Variants in TADA3 observed in about 807,000 individuals in gnomAD.
The protein encoded by TADA3 is transcriptional adaptor 3.
TADA3 carries 25 observed loss-of-function variants against 43.2 expected under a neutral mutation model. The observed-to-expected ratio is 0.58, with a 90% CI of 0.42 to 0.81. TADA3 has a LOEUF of 0.81. TADA3 is among the 30% of genes least tolerant of loss of function. The pLI, the probability that TADA3 is intolerant of heterozygous loss-of-function variation, is 0.00. For missense variants in TADA3, 441 were observed against 567.8 expected (o/e 0.78, Z 2.27); for synonymous variants, 235 against 225.5 (o/e 1.04, Z -0.38).
chr3:9,789,717 T>G lies in TADA3; in HGVS notation c.454A>C (p.Asn152His). The G allele has an allele frequency of 6.2e-7, 1 of 1,612,788 alleles. No individual in the cohort carries two copies. The highest frequency in any genetic ancestry group is 8.5e-7 in the Non-Finnish European group (1 of 1,178,950). ...CTATGTTCTCTAGCCCAGAACCTGT[T>G]GGGGGCATCATTTTTGGGGATCCGT... ...VPRIPKNDAP[N>H]RFWASVEPYC... Residue 152 changes from asparagine (N) to histidine (H), a missense_variant, in exon 3 of 9, where the codon AAC becomes CAC. Transcript: ENST00000301964.
At chr3:9,784,588 G>A (rs1322275375) in intron 7 of TADA3, among the ~76,000 whole-genome samples, 2 of 152,012 alleles carry the variant, frequency 1.3e-5, no homozygotes, top group African/African-American at 2.4e-5. Flanking sequence ...AAGTAAGCCA[G>A]GCATGGTGGC....
chr3:9,791,317 C>T lies in TADA3; in HGVS notation c.150G>A (p.Leu50=), dbSNP rs2078727131. ...GGCTGGCAGAAGACAGCAGGGTCTC[C>T]AGCTCCAGCTGCAGGGTGTCCAGCT... is the stretch of plus-strand genomic sequence containing the variant. ...IEELDTLQLE[L]ETLLSSASRR... The change falls in exon 2 of 9, where the codon CTG becomes CTA. Residue 50 remains leucine (L), a synonymous_variant. Transcript: ENST00000301964. 22 of 1,613,938 alleles carry T rather than the reference C, an allele frequency of 1.4e-5. No individual in the cohort carries two copies. The East Asian group carries it at 4.9e-4, about 36-fold the overall frequency.
intron 7 of TADA3, among the ~76,000 whole-genome samples, chr3:9,784,920 A>G (rs973609228): frequency 3.3e-5 from 5 of 152,178 alleles, no homozygotes; most frequent in Non-Finnish European, 5.9e-5. Context: ...AAATAGTATT[A>G]TACCATCCAT....
At chr3:9,791,160 C>G in intron 2 of TADA3, 100 bp downstream of exon 2, 1 of 1,247,218 alleles carries the variant, frequency 8.0e-7, no homozygotes, top group South Asian at 1.5e-5. Context: ...CCCCACAAAC[C>G]CCTGTACCCC....
At chr3:9,782,666 C>A (rs998261385) in intron 8 of TADA3, among the ~76,000 whole-genome samples, 1 of 152,056 alleles carries the variant, frequency 6.6e-6, no homozygotes, top group Non-Finnish European at 1.5e-5. Flanking sequence ...TAGTGCATGC[C>A]TGTAATCCCA....
chr3:9,787,684 T>C, intron 4 of TADA3: 1 of 1,341,038 alleles, frequency 7.5e-7, no homozygotes, highest in East Asian at 4.5e-5. Flanking sequence ...AATTACCTTT[T>C]GTATTGCTTG....
chr3:9,790,099 T>C (rs1377172728), intron 2 of TADA3, 136 bp from the exon 3 acceptor site: 1 of 1,126,232 alleles, frequency 8.9e-7, no homozygotes, highest in African/African-American at 1.6e-5. Context: ...CCTAGTAAAC[T>C]CTTACTCATC....
upstream of TADA3, chr3:9,792,679 A>T: frequency 3.2e-6 from 4 of 1,233,138 alleles, no homozygotes; most frequent in Non-Finnish European, 4.0e-6. Flanking sequence ...CGCTGCAGTT[A>T]GCCCCGCCGA....
In TADA3 at chr3:9,787,721, T is replaced by C. The variant is rs1225984781; in HGVS notation, c.565-381A>G. 5 of 1,303,172 alleles carry C rather than the reference T, an allele frequency of 3.8e-6. No individual in the cohort carries two copies. In the Admixed American group the frequency reaches 1.1e-4, roughly 30 times the overall value. The allele number at this position is 1,303,172 out of a possible 1,614,324, so 80.7% of individuals were successfully genotyped here. On this transcript the variant is annotated intron_variant, in intron 4 of 8. Transcript: ENST00000301964. ...ATTTACTGCTGTCTGTATGAACTCT[T>C]TTTCAGATAAATTTTTAAGAAATCA...
At position 9,791,408 on chromosome 3, in the gene TADA3, A is replaced by G. The variant is rs376357231; in HGVS notation, c.59T>C (p.Leu20Pro). The G allele has an allele frequency of 6.2e-6, 10 of 1,613,990 alleles. No homozygotes were observed. In the Admixed American group the frequency reaches 6.7e-5, roughly 11 times the overall value. ...QFHDFKSVDH[L>P]KVCPRYTAVL... The stretch of plus-strand genomic sequence containing the variant: ...TGCCGTGTAGCGGGGACAGACCTTC[A>G]GGTGATCCACAGACTTGAAGTCGTG... Residue 20 changes from leucine to proline, a missense_variant, in exon 2 of 9, where the codon CTG becomes CCG. Physicochemically the swap from Leu to Pro is moderately conservative, Grantham distance 98 (BLOSUM62 -3). Transcript: ENST00000301964.
upstream of TADA3, chr3:9,792,710 G>C: frequency 8.1e-7 from 1 of 1,234,420 alleles, no homozygotes; most frequent in Non-Finnish European, 1.0e-6. Flanking sequence ...CTGCGGGTAG[G>C]AGGGGCGAGA....
Position 9,787,274 on chromosome 3 carries a change from C to G in TADA3, c.631G>C (p.Asp211His). 6.2e-7 allele frequency: 1 copy of G among 1,614,212 alleles called. No homozygotes were observed. The highest frequency in any genetic ancestry group is 8.5e-7 in the Non-Finnish European group (1 of 1,180,054). ...AQEDLLEEQK[D>H]GARAAAVADK... is the part of the protein sequence containing the mutation. ...GCCACAGCCGCTGCCCGGGCCCCATCCTTCTGCTCCTCCAGCAGGTCCTCC... is the reference window on the plus strand; with the variant it reads ...GCCACAGCCGCTGCCCGGGCCCCATGCTTCTGCTCCTCCAGCAGGTCCTCC... Residue 211 changes from aspartate to histidine, a missense_variant, in exon 5 of 9, where the codon GAT (aspartate) becomes CAT (histidine). Physicochemically the swap from Asp to His is moderately conservative, Grantham distance 81. Coordinates refer to ENST00000301964, the MANE Select transcript of TADA3 (RefSeq NM_006354.5).
chr3:9,787,616 A>T (rs1575304965), intron 4 of TADA3: 1 of 1,195,026 alleles, frequency 8.4e-7, no homozygotes, highest in East Asian at 3.1e-5. Context: ...AGATTGTCTC[A>T]GGTCACAGCA....
chr3:9,791,890 A>G (rs916299522), intron 1 of TADA3, among the ~76,000 whole-genome samples: 7 of 151,472 alleles, frequency 4.6e-5, no homozygotes, highest in African/African-American at 7.3e-5. Flanking sequence ...CTTCCCTTCT[A>G]TTTCTCTTGG....
At position 9,780,461 on chromosome 3, in the gene TADA3, T is replaced by C; in HGVS notation, c.1195A>G (p.Met399Val). The C allele has an allele frequency of 6.2e-7, 1 of 1,612,208 alleles. No homozygotes were observed. The highest frequency in any genetic ancestry group is 8.5e-7 in the Non-Finnish European group (1 of 1,179,970). The change falls in exon 9 of 9, where the codon ATG (methionine) becomes GTG (valine). Residue 399 changes from methionine to valine, a missense_variant. Physicochemically the swap from Met to Val is conservative, Grantham distance 21. Coordinates refer to ENST00000301964, the MANE Select transcript of TADA3 (RefSeq NM_006354.5). ...GTCCGCTTCTTCTGCCGGGCAGCCA[T>C]GATCTTGCGAAAGGCGTCCATGACC... The part of the protein sequence containing the change: ...NEVMDAFRKI[M>V]AARQKKRTPT...
intron 7 of TADA3, among the ~76,000 whole-genome samples, chr3:9,784,936 G>A (rs2078572350): frequency 6.6e-6 from 1 of 151,880 alleles, no homozygotes; most frequent in Non-Finnish European, 1.5e-5. Flanking sequence ...TCCATACTGG[G>A]CTACAACTAA....
intron 4 of TADA3, among the ~76,000 whole-genome samples, chr3:9,788,615 T>C (rs998718610): frequency 2.6e-5 from 4 of 151,408 alleles, no homozygotes; most frequent in Non-Finnish European, 4.4e-5. Flanking sequence ...TCTTGGCTCA[T>C]TGCAACCGAT....
chr3:9,787,700 A>C (rs1380596258), intron 4 of TADA3: 5 of 1,322,250 alleles, frequency 3.8e-6, no homozygotes, highest in Non-Finnish European at 4.9e-6. Context: ...GCTTGAATTT[A>C]CTGCTGTCTG....
chr3:9,787,375 A>C (rs776751871), intron 4 of TADA3, 35 bp from the exon 5 acceptor site: 2 of 1,578,634 alleles, frequency 1.3e-6, no homozygotes, highest in East Asian at 4.5e-5. Flanking sequence ...CTGAGTGGGT[A>C]AGCACTGGCC....
Sources: allele counts gnomAD v4.1 joint callset (sites outside exome capture counted in the v4.1 genomes callset), GRCh38; gene constraint gnomAD v4.1.1; transcripts MANE v1.5; gene names NCBI Gene and HGNC (gene_info 2026-07-23, HGNC 2026-07-21).